The following C8A variants were observed in gnomAD, a reference collection of about 807,000 sequenced individuals.
C8A encodes the protein complement component C8 alpha chain.
C8A carries 67 observed loss-of-function variants against 65.3 expected under a neutral mutation model. That is an observed-to-expected ratio of 1.03 (90% CI 0.84 to 1.26). The LOEUF (loss-of-function observed/expected upper bound fraction) is 1.26, where lower values mean the gene tolerates loss of function less well. Ranked by LOEUF, C8A falls within the 50% of genes most tolerant of loss-of-function variation. C8A has a pLI of 0.00. For synonymous variants in C8A, 290 were observed against 259.4 expected (o/e 1.12, Z -1.13); for missense variants, 781 against 723.9 (o/e 1.08, Z -0.90).
At chr1:56,911,517 G>A (rs1208780138) in intron 9 of C8A, among the ~76,000 whole-genome samples, 2 of 152,174 alleles carry the variant, frequency 1.3e-5, no homozygotes, top group Non-Finnish European at 2.9e-5. Flanking sequence ...CGAGGCAATT[G>A]TTTCCCCCAA....
At chr1:56,855,780 A>G (rs1480696780) in intron 1 of C8A, among the ~76,000 whole-genome samples, 2 of 152,112 alleles carry the variant, frequency 1.3e-5, no homozygotes, top group East Asian at 1.9e-4. Context: ...AATTCTTGAT[A>G]GATGATGCAA....
chr1:56,885,370 T>TACA (rs1644285615), intron 6 of C8A, among the ~76,000 whole-genome samples: 1 of 68,608 alleles, frequency 1.5e-5, no homozygotes, highest in South Asian at 4.2e-4. Flanking sequence ...AAATATATAT[T>TACA]TATATTTATT....
At chr1:56,912,295 T>A in intron 9 of C8A, 108 bp from the exon 10 acceptor site, 1 of 948,348 alleles carries the variant, frequency 1.1e-6, no homozygotes, top group Non-Finnish European at 1.7e-6. Flanking sequence ...TGTCTGTGTC[T>A]GTGCCTGGCA....
At chr1:56,892,185 A>G (rs1340890763) in intron 7 of C8A, among the ~76,000 whole-genome samples, 1 of 152,062 alleles carries the variant, frequency 6.6e-6, no homozygotes, top group Non-Finnish European at 1.5e-5. Flanking sequence ...CAGGAATAAC[A>G]TTCATGTCCT....
chr1:56,917,006 G>A (rs1644557926), intron 10 of C8A, among the ~76,000 whole-genome samples: 4 of 152,108 alleles, frequency 2.6e-5, no homozygotes, highest in Non-Finnish European at 1.5e-5. Flanking sequence ...GACTCCCCAG[G>A]AGGGCGGTGC....
intron 1 of C8A, among the ~76,000 whole-genome samples, chr1:56,862,593 T>C (rs906140289): frequency 6.6e-6 from 1 of 152,162 alleles, no homozygotes; most frequent in African/African-American, 2.4e-5. Flanking sequence ...GGGTACATTT[T>C]GAGAAACTCT....
rs747420946 is a variant in C8A at position 56,908,020 on chromosome 1, C to A, written c.1287C>A (p.Gly429=). The part of the protein sequence containing the change: ...IISRVRGGSS[G]WSGGLAQNRS... Reference sequence around the variant, plus strand: ...CTCGGGTGCGAGGTGGCAGTTCTGGCTGGAGCGGTGGCTTGGCACAGAACA... The same window carrying A: ...CTCGGGTGCGAGGTGGCAGTTCTGGATGGAGCGGTGGCTTGGCACAGAACA... The change falls in exon 9 of 11, where the codon GGC becomes GGA. Residue 429 remains glycine, a synonymous_variant. Coordinates refer to ENST00000361249, the MANE Select transcript of C8A (RefSeq NM_000562.3). The A allele has an allele frequency of 4.3e-6, 7 of 1,614,126 alleles. No homozygotes were observed. The highest frequency in any genetic ancestry group is 1.7e-5 in the Admixed American group (1 of 60,016).
chr1:56,905,520 T>C (rs1227653946), intron 7 of C8A, among the ~76,000 whole-genome samples: 1 of 152,230 alleles, frequency 6.6e-6, no homozygotes, highest in Non-Finnish European at 1.5e-5. Flanking sequence ...ATTGCTACGC[T>C]AACAAGACAA....
rs544692155 is a variant in C8A, at chr1:56,911,804, A to G, written c.1381-599A>G. On this transcript the variant is annotated intron_variant, in intron 9 of 10. Transcript: ENST00000361249. ...AGTTACACCATTAGGGAAATTGCTC[A>G]GCAATGACAACAACACTACCTGTCA... Among the ~76,000 whole-genome samples, 18 of 151,876 alleles carry G rather than the reference A, an allele frequency of 1.2e-4. 1 individual carries two copies. The South Asian group carries it at 2.3e-3, about 20-fold the overall frequency.
chr1:56,909,740 C>T (rs1190234105), intron 9 of C8A, among the ~76,000 whole-genome samples: 1 of 152,156 alleles, frequency 6.6e-6, no homozygotes, highest in Non-Finnish European at 1.5e-5. Flanking sequence ...AATGTGTGAC[C>T]TTTGACAAGT....
At chr1:56,913,864 G>A (rs141884085) in intron 10 of C8A, among the ~76,000 whole-genome samples, 1 of 152,290 alleles carries the variant, frequency 6.6e-6, no homozygotes, top group African/African-American at 2.4e-5. Context: ...TGGCTCAATG[G>A]CCATGTGAAA....
chr1:56,892,740 G>T (rs1344388882), intron 7 of C8A, among the ~76,000 whole-genome samples: 2 of 152,158 alleles, frequency 1.3e-5, no homozygotes, highest in Non-Finnish European at 2.9e-5. Flanking sequence ...GTCTGCTCCA[G>T]ACCCCTTCTG....
chr1:56,914,620 A>G (rs570482884), intron 10 of C8A, among the ~76,000 whole-genome samples: 1 of 152,238 alleles, frequency 6.6e-6, no homozygotes, highest in East Asian at 1.9e-4. Context: ...TCTAAGTAGG[A>G]GGCAGGATAG....
At chr1:56,877,920 A>C (rs1483434398) in intron 4 of C8A, among the ~76,000 whole-genome samples, 1 of 152,192 alleles carries the variant, frequency 6.6e-6, no homozygotes, top group Admixed American at 6.5e-5. Flanking sequence ...AAAAGATGAG[A>C]AAATTCTGTT....
intron 7 of C8A, among the ~76,000 whole-genome samples, chr1:56,898,390 C>A (rs186146328): frequency 6.6e-6 from 1 of 152,114 alleles, no homozygotes; most frequent in South Asian, 2.1e-4. Flanking sequence ...CATGCACAGA[C>A]CTCCAGCTCA....
intron 4 of C8A, among the ~76,000 whole-genome samples, chr1:56,878,090 T>C (rs562615061): frequency 1.3e-5 from 2 of 152,268 alleles, no homozygotes; most frequent in South Asian, 4.2e-4. Flanking sequence ...CCTCTCTCCC[T>C]GGCTTGTTGA....
At chr1:56,893,787 A>C (rs1430544085) in intron 7 of C8A, among the ~76,000 whole-genome samples, 1 of 152,186 alleles carries the variant, frequency 6.6e-6, no homozygotes, top group African/African-American at 2.4e-5. Context: ...CATTCCAATA[A>C]GCACTCAATA....
intron 10 of C8A, among the ~76,000 whole-genome samples, chr1:56,914,867 G>A (rs1644538747): frequency 2.0e-5 from 3 of 151,760 alleles, no homozygotes; most frequent in Non-Finnish European, 4.4e-5. Flanking sequence ...TACTGGAGAT[G>A]GGTTTTCGCC....
chr1:56,887,463 AGCTTTTTTTCATATGCTTGTTG>A (rs1478322274), intron 7 of C8A, among the ~76,000 whole-genome samples: 2 of 152,084 alleles, frequency 1.3e-5, no homozygotes, highest in African/African-American at 4.8e-5. Flanking sequence ...AGTGATGATG[AGCTTTTTTTCATATGCTTGTTG>A]GCCACATAAA....
Sources: gnomAD v4.1 joint callset for allele counts (sites outside exome capture counted in the v4.1 genomes callset) on GRCh38, gnomAD v4.1.1 for gene constraint, MANE v1.5 for transcripts, NCBI Gene and HGNC (gene_info 2026-07-23, HGNC 2026-07-21) for gene names.